MITF: variants seen among roughly 807,000 people sequenced by gnomAD.
MITF encodes the protein microphthalmia-associated transcription factor.
MITF carries 17 observed loss-of-function variants against 60.5 expected under a neutral mutation model. The observed-to-expected ratio is 0.28, with a 90% CI of 0.19 to 0.42. The LOEUF is 0.42. Among genes scored for constraint, MITF ranks in the 10% least tolerant of loss-of-function variants. The pLI is 1.00. For missense variants in MITF, 622 were observed against 683.5 expected, an observed-to-expected ratio of 0.91 and a Z score of 1.00; for synonymous variants, 260 against 248.5, an observed-to-expected ratio of 1.05 and a Z score of -0.43.
At chr3:69,905,363 GT>G (rs1187966175) in intron 2 of MITF, among the ~76,000 whole-genome samples, 1 of 150,206 alleles carries the variant, frequency 6.7e-6, no homozygotes, top group African/African-American at 2.4e-5. Flanking sequence ...GCAGACCACA[GT>G]TTTTTTTATC....
At chr3:69,952,111 GT>G (rs1288214155) in intron 7 of MITF, among the ~76,000 whole-genome samples, 3 of 152,034 alleles carry the variant, frequency 2.0e-5, no homozygotes, top group African/African-American at 7.2e-5. Flanking sequence ...TTTCTGAAGA[GT>G]TTTTATTTTT....
At chr3:69,798,614 C>G (rs1445334386) in intron 1 of MITF, among the ~76,000 whole-genome samples, 5 of 152,218 alleles carry the variant, frequency 3.3e-5, no homozygotes. Flanking sequence ...TATCATCTCT[C>G]TGTAGATTAT....
At chr3:69,950,974 G>C (rs942734559) in intron 6 of MITF, among the ~76,000 whole-genome samples, 2 of 151,342 alleles carry the variant, frequency 1.3e-5, no homozygotes, top group Non-Finnish European at 2.9e-5. Flanking sequence ...TGGTTCCTAA[G>C]TTATTAGATG....
intron 1 of MITF, among the ~76,000 whole-genome samples, chr3:69,806,046 CA>C (rs2063000268): frequency 6.6e-6 from 1 of 151,646 alleles, no homozygotes; most frequent in Non-Finnish European, 1.5e-5. Context: ...ATCTACTTTG[CA>C]AAGCGGATTT....
intron 2 of MITF, among the ~76,000 whole-genome samples, chr3:69,927,593 A>G (rs899611468): frequency 6.6e-6 from 1 of 152,250 alleles, no homozygotes; most frequent in African/African-American, 2.4e-5. Context: ...GAAATAAACA[A>G]AAAATTGTTA....
At chr3:69,800,682 T>C (rs1257762508) in intron 1 of MITF, among the ~76,000 whole-genome samples, 1 of 152,190 alleles carries the variant, frequency 6.6e-6, no homozygotes, top group Non-Finnish European at 1.5e-5. Flanking sequence ...TTGTGTCTCT[T>C]TTATTCTTTT....
intron 2 of MITF, among the ~76,000 whole-genome samples, chr3:69,919,357 A>G (rs12635917): frequency 2.6e-5 from 4 of 152,184 alleles, no homozygotes; most frequent in African/African-American, 9.6e-5. Flanking sequence ...TATTTCTACT[A>G]CTGTAGCTTT....
chr3:69,831,219 G>C (rs982566791), intron 1 of MITF, among the ~76,000 whole-genome samples: 1 of 152,150 alleles, frequency 6.6e-6, no homozygotes, highest in Non-Finnish European at 1.5e-5. Context: ...CGGAGTAAAT[G>C]GCAGCCGTTA....
chr3:69,948,562 T>C (rs2066158683), intron 5 of MITF, among the ~76,000 whole-genome samples: 1 of 152,036 alleles, frequency 6.6e-6, no homozygotes, highest in South Asian at 2.1e-4. Flanking sequence ...AAAAAAACTT[T>C]CATTGCTTTT....
At position 69,807,596 on chromosome 3, in the gene MITF, T is replaced by G. The variant is rs113767627; in HGVS notation, c.104+67895T>G. ...TGAGTCTTGCTTGTCTACAACAACA[T>G]GCATACGAATATCACTTTGTTTTTA... On this transcript the variant is annotated intron_variant, in intron 1 of 9. Transcript: ENST00000352241. Among the ~76,000 whole-genome samples, 387 of 152,362 alleles carry G rather than the reference T, an allele frequency of 2.5e-3. 3 individuals carry two copies. The highest frequency in any genetic ancestry group is 8.8e-3 in the African/African-American group (365 of 41,582).
chr3:69,758,300 G>A (rs1369375644), intron 1 of MITF, among the ~76,000 whole-genome samples: 1 of 151,628 alleles, frequency 6.6e-6, no homozygotes, highest in Non-Finnish European at 1.5e-5. Flanking sequence ...CTCTCAGGTA[G>A]CTGGGACTAC....
intron 1 of MITF, among the ~76,000 whole-genome samples, chr3:69,746,079 A>C (rs1278337434): frequency 6.6e-6 from 1 of 152,228 alleles, no homozygotes; most frequent in African/African-American, 2.4e-5. Context: ...AAATCGTACT[A>C]TGCAGATTCG....
chr3:69,746,514 G>T (rs962775), intron 1 of MITF, among the ~76,000 whole-genome samples: 34,527 of 151,614 alleles, frequency 0.23, 4,323 homozygotes, highest in East Asian at 0.56. Flanking sequence ...CATTTTTTTT[G>T]TGTGTGTGTA....
At chr3:69,773,162 G>A (rs2062419432) in intron 1 of MITF, among the ~76,000 whole-genome samples, 1 of 152,170 alleles carries the variant, frequency 6.6e-6, no homozygotes, top group Non-Finnish European at 1.5e-5. Context: ...AGAAGGAAGA[G>A]TAAGTACATA....
intron 1 of MITF, among the ~76,000 whole-genome samples, chr3:69,876,119 C>T (rs548255793): frequency 3.3e-5 from 5 of 151,718 alleles, no homozygotes; most frequent in African/African-American, 1.2e-4. Context: ...ATATTGTTGT[C>T]GACTTTCACG....
rs79880632 is a variant in MITF, at chr3:69,867,412, A to G, written c.105-11722A>G. Among the ~76,000 whole-genome samples the G allele has an allele frequency of 2.0e-5, 3 of 152,202 alleles. No individual in the cohort carries two copies. The East Asian group carries it at 5.8e-4, about 29-fold the overall frequency. On this transcript the variant is annotated intron_variant, in intron 1 of 9. Coordinates refer to ENST00000352241, the MANE Select transcript of MITF (RefSeq NM_001354604.2). Reference sequence around the variant, plus strand: ...TAGATACATCTTTAAAAGGTCTTATAAAAGGTAGTTTTAAAAATGATTTCT... The same window carrying G: ...TAGATACATCTTTAAAAGGTCTTATGAAAGGTAGTTTTAAAAATGATTTCT...
chr3:69,764,724 C>T (rs994954243), intron 1 of MITF, among the ~76,000 whole-genome samples: 7 of 152,252 alleles, frequency 4.6e-5, no homozygotes, highest in South Asian at 2.1e-4. Context: ...AGTTTTTCTC[C>T]GACTCAAGGC....
At chr3:69,742,370 T>C (rs1703557556) in intron 1 of MITF, among the ~76,000 whole-genome samples, 1 of 152,164 alleles carries the variant, frequency 6.6e-6, no homozygotes, top group South Asian at 2.1e-4. Flanking sequence ...TTGTTAGTAG[T>C]GCTGAGGTCA....
intron 1 of MITF, among the ~76,000 whole-genome samples, chr3:69,876,542 G>T (rs1476431431): frequency 1.3e-5 from 2 of 152,024 alleles, no homozygotes; most frequent in African/African-American, 4.8e-5. Context: ...TCTTTTAGTA[G>T]AGCTGTATCA....
Sources: allele counts gnomAD v4.1 joint callset (sites outside exome capture counted in the v4.1 genomes callset), GRCh38; gene constraint gnomAD v4.1.1; transcripts MANE v1.5; gene names NCBI Gene and HGNC (gene_info 2026-07-23, HGNC 2026-07-21).